The following FBXL13 variants were observed in gnomAD, a reference collection of about 807,000 sequenced individuals.
FBXL13 encodes F-box and leucine-rich repeat protein 13.
FBXL13 carries 67 observed loss-of-function variants against 83.6 expected under a neutral mutation model. The ratio of observed to expected loss-of-function variants is 0.80; its 90% CI spans 0.66 to 0.98. FBXL13 has a LOEUF of 0.98. FBXL13 is among the 50% of genes least tolerant of loss of function. FBXL13 has a pLI of 0.00. For missense variants in FBXL13, 822 were observed against 866.5 expected (o/e 0.95, Z 0.64); for synonymous variants, 272 against 299.5 (o/e 0.91, Z 0.95).
At chr7:102,841,446 G>A (rs1802923903) in intron 17 of FBXL13, among the ~76,000 whole-genome samples, 1 of 152,184 alleles carries the variant, frequency 6.6e-6, no homozygotes, top group African/African-American at 2.4e-5. Context: ...CAGTGCTTCA[G>A]TTGTCTGAGA....
At chr7:102,910,737 C>T (rs992171624) in intron 11 of FBXL13, among the ~76,000 whole-genome samples, 4 of 152,228 alleles carry the variant, frequency 2.6e-5, no homozygotes, top group East Asian at 1.9e-4. Flanking sequence ...AAAATACAGG[C>T]GTGCAAGAGA....
intron 6 of FBXL13, among the ~76,000 whole-genome samples, chr7:103,014,410 C>T (rs935046911): frequency 6.6e-6 from 1 of 152,038 alleles, no homozygotes; most frequent in African/African-American, 2.4e-5. Context: ...AGCCCATGAC[C>T]AGATGGATTC....
chr7:102,822,755 T>C (rs1201948606), intron 18 of FBXL13, among the ~76,000 whole-genome samples: 1 of 152,226 alleles, frequency 6.6e-6, no homozygotes, highest in African/African-American at 2.4e-5. Flanking sequence ...CAGTAAAATA[T>C]CTGCCTCAAG....
intron 17 of FBXL13, among the ~76,000 whole-genome samples, chr7:102,851,940 CT>C (rs1185482830): frequency 5.9e-5 from 9 of 152,132 alleles, no homozygotes; most frequent in African/African-American, 2.2e-4. Context: ...TTATCTCATG[CT>C]TTCCATTCCC....
chr7:102,957,683 T>G (rs1824505724), intron 8 of FBXL13, among the ~76,000 whole-genome samples: 1 of 151,112 alleles, frequency 6.6e-6, no homozygotes, highest in South Asian at 2.1e-4. Flanking sequence ...CAAACAAATT[T>G]ACAAGAAAAA....
At chr7:102,837,473 T>G (rs1368030850) in intron 17 of FBXL13, among the ~76,000 whole-genome samples, 2 of 152,252 alleles carry the variant, frequency 1.3e-5, no homozygotes, top group Non-Finnish European at 2.9e-5. Context: ...GGATAAACTT[T>G]GGCTTCAAAC....
At chr7:102,979,389 A>G (rs966053150) in intron 6 of FBXL13, among the ~76,000 whole-genome samples, 3 of 152,138 alleles carry the variant, frequency 2.0e-5, no homozygotes, top group Non-Finnish European at 2.9e-5. Context: ...TACCTTTGTG[A>G]TTTTATTAGA....
intron 2 of FBXL13, among the ~76,000 whole-genome samples, chr7:103,050,764 C>G (rs184423003): frequency 1.1e-4 from 17 of 152,356 alleles, no homozygotes; most frequent in Non-Finnish European, 1.8e-4. Flanking sequence ...GCAATCCCAT[C>G]AGCTCTCAAG....
At chr7:103,010,689 C>T (rs1422069081) in intron 6 of FBXL13, among the ~76,000 whole-genome samples, 1 of 152,154 alleles carries the variant, frequency 6.6e-6, no homozygotes, top group East Asian at 1.9e-4. Context: ...TTCCCATGTT[C>T]CAGTGGTTCT....
At chr7:103,062,301 C>A (rs1264181708) in intron 1 of FBXL13, among the ~76,000 whole-genome samples, 1 of 152,100 alleles carries the variant, frequency 6.6e-6, no homozygotes, top group Admixed American at 6.5e-5. Flanking sequence ...TGACTTCTAC[C>A]TAGTAGAAAA....
intron 8 of FBXL13, among the ~76,000 whole-genome samples, chr7:102,942,519 A>G (rs1821660522): frequency 6.6e-6 from 1 of 152,248 alleles, no homozygotes. Flanking sequence ...TATATGGTTT[A>G]AATAACAATA....
chr7:103,052,756 C>CTT (rs67278019), intron 2 of FBXL13, among the ~76,000 whole-genome samples: 4 of 134,302 alleles, frequency 3.0e-5, no homozygotes, highest in Admixed American at 7.4e-5. Flanking sequence ...AATTCCTTTT[C>CTT]TTTTTTTTTT....
intron 8 of FBXL13, among the ~76,000 whole-genome samples, chr7:102,948,318 C>T (rs1404785962): frequency 1.3e-5 from 2 of 152,142 alleles, no homozygotes; most frequent in Non-Finnish European, 1.5e-5. Context: ...CCCACCTCAG[C>T]TTCCCAATGT....
chr7:103,000,482 T>C (rs1251033431), intron 6 of FBXL13, among the ~76,000 whole-genome samples: 1 of 152,260 alleles, frequency 6.6e-6, no homozygotes, highest in African/African-American at 2.4e-5. Flanking sequence ...TCTGAATTTG[T>C]TGAGACTTGG....
chr7:102,925,277 C>T (rs1817902515), intron 10 of FBXL13, among the ~76,000 whole-genome samples: 1 of 152,036 alleles, frequency 6.6e-6, no homozygotes, highest in Non-Finnish European at 1.5e-5. Context: ...CTCCTGTAGT[C>T]CCAGCTACTC....
Position 103,028,559 on chromosome 7 carries a change from A to G in FBXL13, c.217+41T>C, listed in dbSNP as rs750306095. 6 of 1,406,380 alleles carry G rather than the reference A, an allele frequency of 4.3e-6. No homozygotes were observed. The South Asian group carries it at 9.5e-5, about 22-fold the overall frequency. The allele number at this position is 1,406,380 out of a possible 1,614,324, so 87.1% of individuals were successfully genotyped here. On this transcript the variant is annotated intron_variant, in intron 4 of 19. Transcript: ENST00000313221. ...CTGTTAGTTTTTTTATTATTTCAATAAATGGATACAAAAAGTAATTGCTAC... is the reference window on the plus strand; with the variant it reads ...CTGTTAGTTTTTTTATTATTTCAATGAATGGATACAAAAAGTAATTGCTAC...
At chr7:103,026,702 G>A (rs370231998) in intron 5 of FBXL13, among the ~76,000 whole-genome samples, 2 of 152,096 alleles carry the variant, frequency 1.3e-5, no homozygotes, top group Non-Finnish European at 2.9e-5. Flanking sequence ...CTTTTGCTGC[G>A]TGTGTGCTAT....
intron 8 of FBXL13, among the ~76,000 whole-genome samples, chr7:102,948,656 C>CTG (rs1171274192): frequency 3.3e-5 from 5 of 151,512 alleles, no homozygotes; most frequent in African/African-American, 1.2e-4. Flanking sequence ...ATCTCCTGAC[C>CTG]TGTGATCTGC....
At chr7:102,839,689 G>A (rs905412199) in intron 17 of FBXL13, among the ~76,000 whole-genome samples, 85 of 152,182 alleles carry the variant, frequency 5.6e-4, no homozygotes, top group African/African-American at 1.9e-3. Context: ...TCAGGGATCC[G>A]CCTGCCTCAG....
Sources: gnomAD v4.1 joint callset for allele counts (sites outside exome capture counted in the v4.1 genomes callset) on GRCh38, gnomAD v4.1.1 for gene constraint, MANE v1.5 for transcripts, NCBI Gene and HGNC (gene_info 2026-07-23, HGNC 2026-07-21) for gene names.